Variants in SOD2 observed in about 807,000 individuals in gnomAD.
SOD2 encodes superoxide dismutase [Mn], mitochondrial.
SOD2 carries 11 observed loss-of-function variants against 27.0 expected under a neutral mutation model. The observed-to-expected ratio is 0.41, with a 90% CI of 0.26 to 0.67. The LOEUF is 0.67. SOD2 is among the 30% of genes least tolerant of loss of function. The pLI, the probability that SOD2 is intolerant of heterozygous loss-of-function variation, is 0.34. For missense variants in SOD2, 250 were observed against 274.5 expected (o/e 0.91, Z 0.63); for synonymous variants, 105 against 103.0 (o/e 1.02, Z -0.12).
At chr6:159,727,170 C>T in exon 1 of SOD2, 1 of 1,202,934 alleles carries the variant, frequency 8.3e-7, no homozygotes, top group Non-Finnish European at 1.1e-6. Flanking sequence ...TCGCGCCAGG[C>T]TCCTGGGAAA....
At chr6:159,701,242 C>T (rs909474943) in intron 1 of SOD2, among the ~76,000 whole-genome samples, 2 of 152,180 alleles carry the variant, frequency 1.3e-5, no homozygotes, top group African/African-American at 4.8e-5. Flanking sequence ...ATCTTTCTCC[C>T]TCTGTAGGCT....
In SOD2 at chr6:159,681,596, C is replaced by G. The variant is rs1338824579; in HGVS notation, c.*897G>C. On this transcript the variant is annotated 3_prime_UTR_variant, in exon 5 of 5. Transcript: ENST00000538183. ...CCACCATAACCTGTAAGCCCGCCCC[C>G]TGCCTACCCCACTTCACCTTTCAGG... The G allele has an allele frequency of 6.6e-6, 1 of 152,296 alleles. No individual in the cohort carries two copies. Among genetic ancestry groups the G allele is most frequent in the Non-Finnish European group, 1.5e-5 (1 of 68,112 alleles). 9.4% of individuals were successfully genotyped at this position (152,296 alleles called of 1,614,324 possible). A position where few individuals can be genotyped will look rare whatever the true frequency, so the allele number is the denominator to read the frequency against.
chr6:159,757,071 TAGG>T (rs1780025624), intron 1 of SOD2, among the ~76,000 whole-genome samples: 1 of 152,190 alleles, frequency 6.6e-6, no homozygotes, highest in African/African-American at 2.4e-5. Context: ...AGAATGTAGG[TAGG>T]AGAAAATGTT....
intron 1 of SOD2, among the ~76,000 whole-genome samples, chr6:159,759,958 C>G (rs919021229): frequency 2.0e-5 from 3 of 152,230 alleles, no homozygotes; most frequent in Non-Finnish European, 4.4e-5. Flanking sequence ...GGTGTTCATT[C>G]ATAACTGCCT....
chr6:159,723,176 G>A (rs1452713718), intron 1 of SOD2, among the ~76,000 whole-genome samples: 1 of 152,148 alleles, frequency 6.6e-6, no homozygotes, highest in Admixed American at 6.5e-5. Flanking sequence ...GTTCTCAATC[G>A]ACTTTGCTTT....
chr6:159,695,213 G>T (rs1256785582), upstream of SOD2, among the ~76,000 whole-genome samples: 1 of 152,100 alleles, frequency 6.6e-6, no homozygotes, highest in Admixed American at 6.6e-5. Context: ...TTGATCTAGT[G>T]ATAATGAAAT....
intron 1 of SOD2, 39 bp downstream of exon 1, chr6:159,693,106 T>C (rs1777311735): frequency 6.6e-7 from 1 of 1,523,350 alleles, no homozygotes; most frequent in Non-Finnish European, 8.8e-7. Context: ...GCGAGCCCCT[T>C]CGCCCTTGGG....
intron 1 of SOD2, chr6:159,753,566 T>C (rs375667871): frequency 9.3e-6 from 15 of 1,613,998 alleles, no homozygotes; most frequent in African/African-American, 1.3e-5. Flanking sequence ...TGAAGCAGAG[T>C]TGGCTTTACA....
chr6:159,713,294 G>C (rs901014011), intron 1 of SOD2: 15 of 663,838 alleles, frequency 2.3e-5, no homozygotes, highest in Non-Finnish European at 4.1e-5. Context: ...TCCACCATAG[G>C]GACCCTGCCT....
intron 1 of SOD2, 85 bp from the exon 2 acceptor site, chr6:159,692,948 G>A (rs1383943475): frequency 2.2e-6 from 3 of 1,385,470 alleles, no homozygotes; most frequent in South Asian, 1.5e-5. Context: ...GCAGCGCGCG[G>A]CGTCCCCCGA....
chr6:159,760,676 T>C (rs1780104993), intron 1 of SOD2: 2 of 152,214 alleles, frequency 1.3e-5, no homozygotes, highest in Non-Finnish European at 2.9e-5. Flanking sequence ...ATTGATGCCG[T>C]AGGAATGACT....
rs771782214 is a variant in SOD2 at position 159,713,878 on chromosome 6, A to G, written c.-116+13251T>C. 1.7e-4 allele frequency: 175 copies of G among 1,000,726 alleles called. 1 individual carries two copies. The highest frequency in any genetic ancestry group is 2.6e-4 in the Non-Finnish European group (168 of 647,172). 62.0% of individuals were successfully genotyped at this position (1,000,726 alleles called of 1,614,324 possible). Reference sequence around the variant, plus strand: ...AGATGAAACAAATACCTGATGTGCCATTTTGTATTTTGCAATCAGAGAAGT... The same window carrying G: ...AGATGAAACAAATACCTGATGTGCCGTTTTGTATTTTGCAATCAGAGAAGT... On this transcript the variant is annotated intron_variant, in intron 1 of 2. Coordinates refer to the SOD2 transcript ENST00000401980.
chr6:159,737,849 G>A (rs773496089), intron 1 of SOD2, among the ~76,000 whole-genome samples: 2 of 152,212 alleles, frequency 1.3e-5, no homozygotes, highest in Non-Finnish European at 2.9e-5. Context: ...ATTTGGTGTA[G>A]TGAATATACT....
rs752851635 is a variant in SOD2 at position 159,712,442 on chromosome 6, AC to A, written c.-116+14686del. Among the ~76,000 whole-genome samples, 39 of 15,736 alleles carry A rather than the reference AC, an allele frequency of 2.5e-3. 1 individual carries two copies. Among genetic ancestry groups the A allele is most frequent in the African/African-American group, 3.9e-3 (19 of 4,932 alleles). The allele number at this position is 15,736 out of a possible 152,430, so 10.3% of individuals were successfully genotyped here. A position where few individuals can be genotyped will look rare whatever the true frequency, so the allele number is the denominator to read the frequency against. ...ATAACCACCTCCATAACCACCACTCACACTGCTCAGACCTCCATAACCACCT... is the reference window on the plus strand; with the variant it reads ...ATAACCACCTCCATAACCACCACTCAACTGCTCAGACCTCCATAACCACCT... On this transcript the variant is annotated intron_variant, in intron 1 of 2. Coordinates refer to the SOD2 transcript ENST00000401980.
intron 1 of SOD2, among the ~76,000 whole-genome samples, chr6:159,719,895 G>C (rs951551216): frequency 2.0e-5 from 3 of 150,258 alleles, no homozygotes; most frequent in Non-Finnish European, 4.4e-5. Context: ...GCTAATTTTT[G>C]TATTTTTTAG....
chr6:159,719,625 CAA>C (rs1159589385), intron 1 of SOD2, among the ~76,000 whole-genome samples: 29 of 63,676 alleles, frequency 4.6e-4, no homozygotes, highest in Admixed American at 5.4e-4. Flanking sequence ...CACCCTTTCT[CAA>C]AAAAAAAAAA....
At chr6:159,761,864 T>C in exon 1 of SOD2, 1 of 255,546 alleles carries the variant, frequency 3.9e-6, no homozygotes, top group Non-Finnish European at 7.1e-6. Context: ...CCGGCCTCAC[T>C]TCCGCCCCGC....
intron 1 of SOD2, among the ~76,000 whole-genome samples, chr6:159,732,866 C>G (rs376699621): frequency 7.8e-6 from 1 of 128,152 alleles, no homozygotes; most frequent in Admixed American, 7.8e-5. Flanking sequence ...CTCTCTCTCT[C>G]TCTCTCTGTA....
Position 159,692,858 on chromosome 6 carries a change from C to A in SOD2, c.29G>T (p.Ser10Ile), listed in dbSNP as rs5746096. 1,055 of 1,605,776 alleles carry A rather than the reference C, an allele frequency of 6.6e-4. 1 individual carries two copies. The highest frequency in any genetic ancestry group is 3.7e-3 in the Middle Eastern group (22 of 5,928). The change falls in exon 2 of 5, where the codon AGC (serine) becomes ATC (isoleucine). Residue 10 changes from serine (S) to isoleucine (I), a missense_variant. Coordinates refer to ENST00000538183, the MANE Select transcript of SOD2 (RefSeq NM_000636.4). MLSRAVCGT[S>I]RQLAPVLGYL... The stretch of plus-strand genomic sequence containing the variant: ...CCCCAAAACCGGAGCCAGCTGCCTG[C>A]TGGTGCTGAAGACGAGAAAGCACAG...
Sources: allele counts gnomAD v4.1 joint callset (sites outside exome capture counted in the v4.1 genomes callset), GRCh38; gene constraint gnomAD v4.1.1; transcripts MANE v1.5; gene names NCBI Gene and HGNC (gene_info 2026-07-23, HGNC 2026-07-21).